DIAPH2: variants seen among roughly 807,000 people sequenced by gnomAD.
DIAPH2 encodes the protein diaphanous related formin 2, also known as protein diaphanous homolog 2.
DIAPH2 carries 35 observed loss-of-function variants against 92.7 expected under a neutral mutation model. The ratio of observed to expected loss-of-function variants is 0.38; its 90% CI spans 0.29 to 0.50. DIAPH2 has a LOEUF of 0.50. DIAPH2 is among the 20% of genes least tolerant of loss of function. The pLI is 0.94. For synonymous variants in DIAPH2, 301 were observed against 280.4 expected (o/e 1.07, Z -0.73); for missense variants, 701 against 819.5 (o/e 0.86, Z 1.77).
intron 25 of DIAPH2, among the ~76,000 whole-genome samples, chrX:97,421,982 T>C (rs1232164200): frequency 8.9e-6 from 1 of 111,833 alleles, no homozygotes; most frequent in Admixed American, 9.5e-5. Flanking sequence ...GCCTCAACTC[T>C]TTTTTACCCC....
chrX:97,263,878 C>T (rs1366910485), intron 23 of DIAPH2, among the ~76,000 whole-genome samples: 3 of 105,084 alleles, frequency 2.9e-5, no homozygotes, highest in Non-Finnish European at 6.0e-5. Context: ...TGAGCCACTG[C>T]GCCCAGCTCC....
At position 97,312,261 on chromosome X, in the gene DIAPH2, G is replaced by A. The variant is rs776635065; in HGVS notation, c.2845-35855G>A. Among the ~76,000 whole-genome samples, 9 of 107,676 alleles carry A rather than the reference G, an allele frequency of 8.4e-5. No homozygotes were observed. In the South Asian group the frequency reaches 2.9e-3, roughly 35 times the overall value. 93.5% of individuals were successfully genotyped at this position (107,676 alleles called of 115,157 possible). On this transcript the variant is annotated intron_variant, in intron 23 of 26. Transcript: ENST00000324765. ...AGGTCAGATGTCTTTCACTGTCTCA[G>A]TTACAATTTTGCAATGCTAGTTTCA...
chrX:96,990,302 C>T (rs992887013), intron 17 of DIAPH2, among the ~76,000 whole-genome samples: 5 of 112,342 alleles, frequency 4.5e-5, no homozygotes, highest in Non-Finnish European at 7.5e-5. Flanking sequence ...TTATTCATTG[C>T]ACAAGGGTGC....
chrX:97,299,736 T>A (rs1364481281), intron 23 of DIAPH2, among the ~76,000 whole-genome samples: 1 of 112,437 alleles, frequency 8.9e-6, no homozygotes, highest in Admixed American at 9.5e-5. Context: ...AATAAAAAAA[T>A]GAAAATTATA....
rs1415852636 is a variant in DIAPH2, at chrX:97,582,894, A to T, written c.3242-16359A>T. ...GTTTCTTTTTATTCTTTTTTCTCTA[A>T]ACTTTCCTTCTCGCTTCATTTCATT... On this transcript the variant is annotated intron_variant, in intron 26 of 26. Transcript: ENST00000324765. Among the ~76,000 whole-genome samples the T allele has an allele frequency of 2.7e-5, 3 of 110,143 alleles. No homozygotes were observed. The East Asian group carries it at 8.5e-4, about 31-fold the overall frequency.
intron 26 of DIAPH2, among the ~76,000 whole-genome samples, chrX:97,512,145 CTT>C (rs1383250983): frequency 8.8e-6 from 1 of 113,057 alleles, no homozygotes; most frequent in Non-Finnish European, 1.9e-5. Flanking sequence ...GTCCTGGACT[CTT>C]TTTGGTTGGT....
At chrX:97,146,007 CTTTTTTTTTTTTTT>C (rs372292277) in intron 22 of DIAPH2, among the ~76,000 whole-genome samples, 2 of 43,169 alleles carry the variant, frequency 4.6e-5, no homozygotes, top group African/African-American at 8.0e-5. Flanking sequence ...TTTCTTCTTC[CTTTTTTTTTTTTTT>C]TTTTTTTTTT....
At chrX:96,849,811 C>T (rs1426655387) in intron 4 of DIAPH2, among the ~76,000 whole-genome samples, 2 of 111,901 alleles carry the variant, frequency 1.8e-5, no homozygotes, top group East Asian at 2.8e-4. Flanking sequence ...TGAACCAATA[C>T]TACTTCTGTT....
At chrX:96,807,790 T>G (rs747910049) in intron 4 of DIAPH2, among the ~76,000 whole-genome samples, 1 of 107,337 alleles carries the variant, frequency 9.3e-6, no homozygotes, top group Non-Finnish European at 1.9e-5. Flanking sequence ...TCAATAAACT[T>G]GGTGTGGAGC....
Position 96,940,072 on chromosome X carries a change from A to G in DIAPH2, c.1325+690A>G, listed in dbSNP as rs1348088475. 2.7e-5 allele frequency among the ~76,000 whole-genome samples: 3 copies of G among 110,720 alleles called. No homozygotes were observed. In the East Asian group the frequency reaches 8.5e-4, roughly 31 times the overall value. On this transcript the variant is annotated intron_variant, in intron 12 of 26. Transcript: ENST00000324765. ...ACAGGACTTTGGTAGCAATGAACCCAACAGATTGCACTGGCCCTGCAATGA... is the reference window on the plus strand; with the variant it reads ...ACAGGACTTTGGTAGCAATGAACCCGACAGATTGCACTGGCCCTGCAATGA...
At chrX:96,756,298 CT>C (rs2064228944) in intron 3 of DIAPH2, among the ~76,000 whole-genome samples, 1 of 111,469 alleles carries the variant, frequency 9.0e-6, no homozygotes, top group African/African-American at 3.3e-5. Context: ...CTCTTCTCCC[CT>C]GGCCCTGGCA....
intron 4 of DIAPH2, among the ~76,000 whole-genome samples, chrX:96,794,473 C>A (rs73250739): frequency 0.066 from 7,026 of 106,756 alleles, 216 homozygotes; most frequent in Middle Eastern, 0.17. Context: ...TTCAACTCCG[C>A]TAGGAACATT....
rs769208686 is a variant in DIAPH2, at chrX:97,604,305, T to C, written c.*4988T>C. 8 of 112,101 alleles carry C rather than the reference T, an allele frequency of 7.1e-5. No individual in the cohort carries two copies. The highest frequency in any genetic ancestry group is 1.1e-4 in the Non-Finnish European group (6 of 53,149). The allele number at this position is 112,101 out of a possible 1,213,427, so 9.2% of individuals were successfully genotyped here. A position where few individuals can be genotyped will look rare whatever the true frequency, so the allele number is the denominator to read the frequency against. On this transcript the variant is annotated 3_prime_UTR_variant, in exon 27 of 27. Coordinates refer to ENST00000324765, the MANE Select transcript of DIAPH2 (RefSeq NM_006729.5). ...TCCAGATTACCCATGATAATTCCCTTATTCCAAGATTCTTAATTATATCTG... is the reference window on the plus strand; with the variant it reads ...TCCAGATTACCCATGATAATTCCCTCATTCCAAGATTCTTAATTATATCTG...
At chrX:96,707,240 C>G (rs2063891034) in intron 1 of DIAPH2, among the ~76,000 whole-genome samples, 1 of 109,171 alleles carries the variant, frequency 9.2e-6, no homozygotes, top group African/African-American at 3.3e-5. Context: ...GTGATCTCGG[C>G]TCACTGCAAC....
intron 23 of DIAPH2, among the ~76,000 whole-genome samples, chrX:97,254,566 T>C (rs908977992): frequency 9.2e-6 from 1 of 108,315 alleles, no homozygotes; most frequent in Non-Finnish European, 1.9e-5. Flanking sequence ...TCTTTGTCAC[T>C]GTTTAGTTAA....
chrX:97,318,911 A>C (rs1328278394), intron 23 of DIAPH2, among the ~76,000 whole-genome samples: 1 of 112,108 alleles, frequency 8.9e-6, no homozygotes, highest in Non-Finnish European at 1.9e-5. Flanking sequence ...TATTATTAAT[A>C]GAATCAGAAA....
At position 97,604,717 on chromosome X, in the gene DIAPH2, A is replaced by G. The variant is rs926383879; in HGVS notation, c.*5400A>G. The G allele has an allele frequency of 8.9e-5, 10 of 112,091 alleles. No homozygotes were observed. The highest frequency in any genetic ancestry group is 7.6e-4 in the Admixed American group (8 of 10,535). 9.2% of individuals were successfully genotyped at this position (112,091 alleles called of 1,213,427 possible). On this transcript the variant is annotated 3_prime_UTR_variant, in exon 27 of 27. Transcript: ENST00000324765. Reference sequence around the variant, plus strand: ...TGGTTCACAGTGCAGGCACAAAACTACCTCTGATACAGAAGGGTTCTTTAC... The same window carrying G: ...TGGTTCACAGTGCAGGCACAAAACTGCCTCTGATACAGAAGGGTTCTTTAC...
At chrX:96,959,925 GTAAA>G (rs1422064668) in intron 16 of DIAPH2, among the ~76,000 whole-genome samples, 1 of 111,424 alleles carries the variant, frequency 9.0e-6, no homozygotes, top group Non-Finnish European at 1.9e-5. Context: ...TCTGTTAGCT[GTAAA>G]TATATGGATT....
chrX:97,076,336 C>T (rs918484214), intron 19 of DIAPH2, among the ~76,000 whole-genome samples: 2 of 111,204 alleles, frequency 1.8e-5, no homozygotes, highest in African/African-American at 6.5e-5. Context: ...TCGAGGCCAT[C>T]CTGGCCAACA....
Sources: gnomAD v4.1 joint callset for allele counts (sites outside exome capture counted in the v4.1 genomes callset) on GRCh38, gnomAD v4.1.1 for gene constraint, MANE v1.5 for transcripts, NCBI Gene and HGNC (gene_info 2026-07-23, HGNC 2026-07-21) for gene names.